Variants in TMEM132D observed in about 807,000 individuals in gnomAD.
TMEM132D encodes the protein mature OL transmembrane protein.
A neutral mutation model predicts 62.3 loss-of-function variants in TMEM132D; 21 were observed. That is an observed-to-expected ratio of 0.34 (90% CI 0.24 to 0.49). The LOEUF is 0.49. Ranked by LOEUF, TMEM132D falls within the 20% of genes least tolerant of loss-of-function variation. The probability of loss-of-function intolerance (pLI) is 0.99; values close to 1 mark genes in which losing one functional copy is unlikely to be tolerated. For synonymous variants in TMEM132D, 621 were observed against 575.6 expected (o/e 1.08, Z -1.13); for missense variants, 1,346 against 1,402.8 (o/e 0.96, Z 0.65).
intron 4 of TMEM132D, among the ~76,000 whole-genome samples, chr12:129,260,771 T>G (rs768326213): frequency 5.3e-5 from 8 of 151,832 alleles, no homozygotes; most frequent in Non-Finnish European, 8.8e-5. Flanking sequence ...TGATATTTGG[T>G]TTTCCATTTC....
chr12:129,636,703 T>TGG (rs1879487449), intron 2 of TMEM132D, among the ~76,000 whole-genome samples: 1 of 74,280 alleles, frequency 1.3e-5, no homozygotes, highest in South Asian at 4.6e-4. Context: ...CAGAAATGTG[T>TGG]GTGTGTGTGT....
intron 2 of TMEM132D, among the ~76,000 whole-genome samples, chr12:129,574,921 G>C (rs928140692): frequency 1.3e-5 from 2 of 151,806 alleles, no homozygotes; most frequent in African/African-American, 4.9e-5. Flanking sequence ...CCAGGGAAAA[G>C]GAGATGCAGA....
At chr12:129,494,649 C>T (rs1206548873) in intron 3 of TMEM132D, among the ~76,000 whole-genome samples, 1 of 152,100 alleles carries the variant, frequency 6.6e-6, no homozygotes, top group Non-Finnish European at 1.5e-5. Context: ...GTCTTTGATA[C>T]TACTCTATAG....
At chr12:129,077,278 C>T (rs1439246284) in intron 8 of TMEM132D, among the ~76,000 whole-genome samples, 1 of 152,058 alleles carries the variant, frequency 6.6e-6, no homozygotes, top group East Asian at 1.9e-4. Context: ...AGAAAAGGCT[C>T]CTGATCCAGA....
At chr12:129,705,138 C>A (rs1439106271) in intron 1 of TMEM132D, among the ~76,000 whole-genome samples, 1 of 152,138 alleles carries the variant, frequency 6.6e-6, no homozygotes, top group Admixed American at 6.5e-5. Flanking sequence ...GAGGCTGTAA[C>A]CATGTGAGAT....
At chr12:129,082,573 C>T (rs757082031) in intron 6 of TMEM132D, among the ~76,000 whole-genome samples, 3 of 152,124 alleles carry the variant, frequency 2.0e-5, no homozygotes, top group East Asian at 1.9e-4. Flanking sequence ...AGCAACCGCA[C>T]GAGTGAGCCT....
chr12:129,614,525 C>T (rs1252292061), intron 2 of TMEM132D, among the ~76,000 whole-genome samples: 1 of 152,238 alleles, frequency 6.6e-6, no homozygotes, highest in Non-Finnish European at 1.5e-5. Context: ...TCAAACAGTT[C>T]TGTCTGGAGT....
At chr12:129,487,929 T>C (rs1874637382) in intron 3 of TMEM132D, among the ~76,000 whole-genome samples, 1 of 84,330 alleles carries the variant, frequency 1.2e-5, no homozygotes. Context: ...AGAGGGAGAC[T>C]CCATCTCAAA....
chr12:129,246,215 C>T (rs1366091374), intron 4 of TMEM132D, among the ~76,000 whole-genome samples: 1 of 152,182 alleles, frequency 6.6e-6, no homozygotes, highest in East Asian at 1.9e-4. Context: ...TCTACACATA[C>T]TCAACATCAG....
chr12:129,114,102 T>A (rs1325322765), intron 5 of TMEM132D, among the ~76,000 whole-genome samples: 4 of 152,152 alleles, frequency 2.6e-5, no homozygotes, highest in Non-Finnish European at 5.9e-5. Flanking sequence ...CAACATCAGT[T>A]GTCCATGCAT....
chr12:129,290,951 T>C lies in TMEM132D; in HGVS notation c.1299+46683A>G, dbSNP rs183409191. Reference sequence around the variant, plus strand: ...TAAGGCAGAAATTGCATAAAGTTCATTACTCTTAAAATTTTCCTTAAATTG... The same window carrying C: ...TAAGGCAGAAATTGCATAAAGTTCACTACTCTTAAAATTTTCCTTAAATTG... On this transcript the variant is annotated intron_variant, in intron 4 of 8. Transcript: ENST00000422113. Among the ~76,000 whole-genome samples the C allele has an allele frequency of 2.4e-4, 37 of 152,326 alleles. No homozygotes were observed. The East Asian group carries it at 5.2e-3, about 21-fold the overall frequency.
At chr12:129,727,411 C>T (rs1383920141) in intron 1 of TMEM132D, among the ~76,000 whole-genome samples, 6 of 152,142 alleles carry the variant, frequency 3.9e-5, no homozygotes, top group Admixed American at 6.5e-5. Context: ...CCCACTTTCA[C>T]GACAATGGTA....
chr12:129,709,654 C>G (rs1881593876), intron 1 of TMEM132D, among the ~76,000 whole-genome samples: 1 of 152,218 alleles, frequency 6.6e-6, no homozygotes, highest in African/African-American at 2.4e-5. Context: ...CCAAAGCTCT[C>G]TAATGCCTTT....
At position 129,531,221 on chromosome 12, in the gene TMEM132D, C is replaced by G; in HGVS notation, c.969-16G>C. The G allele has an allele frequency of 6.3e-7, 1 of 1,598,442 alleles. No individual in the cohort carries two copies. Among genetic ancestry groups the G allele is most frequent in the Non-Finnish European group, 8.5e-7 (1 of 1,170,764 alleles). The stretch of plus-strand genomic sequence containing the variant: ...CACCTTTGCCCTGTTGGAGACAGCA[C>G]GTGTGGGTCTGAGTCAGCTCTGGGG... On this transcript the variant is annotated splice_polypyrimidine_tract_variant and intron_variant, in intron 2 of 8. Transcript: ENST00000422113.
chr12:129,884,745 C>A (rs1478549416), intron 1 of TMEM132D, among the ~76,000 whole-genome samples: 1 of 152,228 alleles, frequency 6.6e-6, no homozygotes, highest in African/African-American at 2.4e-5. Flanking sequence ...TCTCATGTGA[C>A]CCCAGCAATG....
intron 3 of TMEM132D, among the ~76,000 whole-genome samples, chr12:129,342,442 T>A (rs1232655557): frequency 1.3e-5 from 2 of 151,446 alleles, no homozygotes; most frequent in Non-Finnish European, 2.9e-5. Context: ...GATTAAAGAC[T>A]TACATGTTAG....
chr12:129,730,111 TG>T (rs1196803984), intron 1 of TMEM132D, among the ~76,000 whole-genome samples: 1 of 152,198 alleles, frequency 6.6e-6, no homozygotes, highest in East Asian at 1.9e-4. Context: ...ACACTAAGCC[TG>T]TTCAGCTGGT....
chr12:129,581,093 T>C (rs541194088), intron 2 of TMEM132D, among the ~76,000 whole-genome samples: 3 of 152,318 alleles, frequency 2.0e-5, no homozygotes, highest in African/African-American at 4.8e-5. Flanking sequence ...CCTTGCAGTA[T>C]TGAGTGAGTT....
At chr12:129,603,461 A>T (rs929689116) in intron 2 of TMEM132D, among the ~76,000 whole-genome samples, 1 of 152,066 alleles carries the variant, frequency 6.6e-6, no homozygotes, top group African/African-American at 2.4e-5. Flanking sequence ...GTTTTCCTCC[A>T]TGTCTTTTCA....
Sources: gnomAD v4.1 joint callset for allele counts (sites outside exome capture counted in the v4.1 genomes callset) on GRCh38, gnomAD v4.1.1 for gene constraint, MANE v1.5 for transcripts, NCBI Gene and HGNC (gene_info 2026-07-23, HGNC 2026-07-21) for gene names.